ADAM12: variants seen among roughly 807,000 people sequenced by gnomAD.
ADAM12 encodes the protein disintegrin and metalloproteinase domain-containing protein 12.
ADAM12 carries 70 observed loss-of-function variants against 106.4 expected under a neutral mutation model. The observed-to-expected ratio is 0.66, with a 90% confidence interval of 0.54 to 0.80. The LOEUF (loss-of-function observed/expected upper bound fraction) is 0.80, where lower values mean the gene tolerates loss of function less well. Among genes scored for constraint, ADAM12 ranks in the 30% least tolerant of loss-of-function variants. ADAM12 has a pLI of 0.00. For missense variants in ADAM12, 1,010 were observed against 1,171.9 expected (o/e 0.86, Z 2.02); for synonymous variants, 420 against 433.5 (o/e 0.97, Z 0.39).
intron 1 of ADAM12, among the ~76,000 whole-genome samples, chr10:126,340,875 C>G (rs1564743660): frequency 6.6e-6 from 1 of 152,054 alleles, no homozygotes; most frequent in Non-Finnish European, 1.5e-5. Flanking sequence ...CCCACCACGC[C>G]TGGCTAATTT....
chr10:126,103,309 A>G (rs1043592064), intron 8 of ADAM12, among the ~76,000 whole-genome samples: 2 of 152,214 alleles, frequency 1.3e-5, no homozygotes, highest in African/African-American at 4.8e-5. Context: ...AAGTCATCAT[A>G]CATGATGCCT....
Position 126,388,112 on chromosome 10 carries a change from G to A in ADAM12, c.34C>T (p.Arg12Cys). 2 of 1,227,314 alleles carry A rather than the reference G, an allele frequency of 1.6e-6. No homozygotes were observed. The highest frequency in any genetic ancestry group is 2.0e-6 in the Non-Finnish European group (2 of 984,388). The allele number at this position is 1,227,314 out of a possible 1,614,324, so 76.0% of individuals were successfully genotyped here. ...AARPLPVSPA[R>C]ALLLALAGAL... ...CCGGCCAGGGCGAGCAGGAGGGCGC[G>A]GGCGGGGGACACGGGCAGCGGGCGC... The change falls in exon 1 of 23, where the codon CGC (arginine) becomes TGC (cysteine). Residue 12 changes from arginine (R) to cysteine (C), a missense_variant. This residue lies in a region of ADAM12 where 391 missense variants were observed against 442.9 expected (regional missense o/e 0.88). Transcript: ENST00000448723. This position sits in a 1 kb window ranked among gnomAD's most constrained non-coding sequence, Gnocchi z 4.4.
intron 5 of ADAM12, among the ~76,000 whole-genome samples, chr10:126,128,252 G>A (rs1167648898): frequency 6.6e-6 from 1 of 152,144 alleles, no homozygotes; most frequent in Non-Finnish European, 1.5e-5. Context: ...CAGCTGGGAT[G>A]AGGAAGGGAA....
rs192403111 is a variant in ADAM12 at position 126,152,069 on chromosome 10, A to C, written c.339+3158T>G. Among the ~76,000 whole-genome samples, 6 of 142,704 alleles carry C rather than the reference A, an allele frequency of 4.2e-5. No individual in the cohort carries two copies. The East Asian group carries it at 1.2e-3, about 28-fold the overall frequency. The allele number at this position is 142,704 out of a possible 152,430, so 93.6% of individuals were successfully genotyped here. A position where few individuals can be genotyped will look rare whatever the true frequency, so the allele number is the denominator to read the frequency against. On this transcript the variant is annotated intron_variant, in intron 4 of 22. Coordinates refer to ENST00000448723, the MANE Select transcript of ADAM12 (RefSeq NM_001288973.2). The stretch of plus-strand genomic sequence containing the variant: ...ATTTCTGCTCATTTAAAAAATCTTC[A>C]TTTCTGAGAGAGGTATATTTAAATC...
intron 11 of ADAM12, among the ~76,000 whole-genome samples, chr10:126,077,027 C>T (rs1955115194): frequency 6.6e-6 from 1 of 152,158 alleles, no homozygotes; most frequent in Non-Finnish European, 1.5e-5. Context: ...CAAAAGGCTC[C>T]TGGAGCTGAT....
chr10:126,294,362 G>GA (rs1293433980), intron 2 of ADAM12, among the ~76,000 whole-genome samples: 1 of 152,218 alleles, frequency 6.6e-6, no homozygotes, highest in Non-Finnish European at 1.5e-5. Flanking sequence ...GGAATGATCA[G>GA]AAGTGTGTGA....
Position 126,043,399 on chromosome 10 carries a change from A to G in ADAM12, c.1996-251T>C, listed in dbSNP as rs1954230282. Among the ~76,000 whole-genome samples, 1 of 152,164 alleles carries G rather than the reference A, an allele frequency of 6.6e-6. No individual in the cohort carries two copies. Among genetic ancestry groups the G allele is most frequent in the Non-Finnish European group, 1.5e-5 (1 of 68,028 alleles). Reference sequence around the variant, plus strand: ...AGAGTGATGAAGATTATTTGGGTTCATCAGCTTGCCTCCCCCACCCACCTC... The same window carrying G: ...AGAGTGATGAAGATTATTTGGGTTCGTCAGCTTGCCTCCCCCACCCACCTC... On this transcript the variant is annotated intron_variant, in intron 17 of 22. Transcript: ENST00000448723. This position sits in a 1 kb window ranked among gnomAD's most constrained non-coding sequence, Gnocchi z 4.1.
chr10:126,171,866 C>A (rs113013400), intron 3 of ADAM12, among the ~76,000 whole-genome samples: 1 of 152,158 alleles, frequency 6.6e-6, no homozygotes, highest in African/African-American at 2.4e-5. Flanking sequence ...CAATCTTGCA[C>A]GCAAAGTTGG....
At chr10:126,359,460 A>G (rs1274819284) in intron 1 of ADAM12, among the ~76,000 whole-genome samples, 2 of 152,184 alleles carry the variant, frequency 1.3e-5, no homozygotes, top group Non-Finnish European at 2.9e-5. Flanking sequence ...GCATTGGGTA[A>G]ATACAGCCAT....
chr10:126,083,308 G>A (rs1384750861), intron 11 of ADAM12, among the ~76,000 whole-genome samples: 7 of 152,228 alleles, frequency 4.6e-5, no homozygotes, highest in Admixed American at 2.0e-4. Flanking sequence ...CAGTTCCTGC[G>A]TGGAGACTGA....
chr10:126,242,051 A>T (rs1958537162), intron 3 of ADAM12, among the ~76,000 whole-genome samples: 1 of 151,102 alleles, frequency 6.6e-6, no homozygotes, highest in African/African-American at 2.4e-5. Context: ...TATATGAATC[A>T]CTCTGCTTGT....
intron 11 of ADAM12, among the ~76,000 whole-genome samples, chr10:126,080,836 G>C (rs1955198243): frequency 6.6e-6 from 1 of 152,148 alleles, no homozygotes; most frequent in South Asian, 2.1e-4. Flanking sequence ...CCATCACAAA[G>C]CTGCCAAGTA....
chr10:126,032,323 C>T (rs567567316), intron 21 of ADAM12, among the ~76,000 whole-genome samples: 25 of 152,310 alleles, frequency 1.6e-4, no homozygotes, highest in South Asian at 6.2e-4. Context: ...AATTAATTTC[C>T]GTTCCCTATG....
In ADAM12 at chr10:126,049,363, G is replaced by A; in HGVS notation, c.1807C>T (p.Pro603Ser). ...TNAVSIETNIPLQQGGRILCR... is the reference protein window; with the variant it reads ...TNAVSIETNISLQQGGRILCR... ...AGAATCCGGCCTCCTTGCTGCAGGG[G>A]GATGTTTGTTTCTATGGAAACGGCA... The change falls in exon 16 of 23, where the codon CCC becomes TCC. Residue 603 changes from proline to serine, a missense_variant. Physicochemically the swap from Pro to Ser is moderately conservative, Grantham distance 74 (BLOSUM62 -1). Around this residue, in one of 3 missense-constraint regions of ADAM12, gnomAD observed 615 missense variants for 708.5 expected, o/e 0.87. Coordinates refer to ENST00000448723, the MANE Select transcript of ADAM12 (RefSeq NM_001288973.2). This position sits in a 1 kb window ranked among gnomAD's most constrained non-coding sequence, Gnocchi z 4.4. 1 of 1,614,208 alleles carries A rather than the reference G, an allele frequency of 6.2e-7. No individual in the cohort carries two copies. The highest frequency in any genetic ancestry group is 1.3e-5 in the African/African-American group (1 of 75,032).
chr10:126,104,514 A>C (rs1565059991), intron 8 of ADAM12, among the ~76,000 whole-genome samples: 1 of 152,094 alleles, frequency 6.6e-6, no homozygotes, highest in Non-Finnish European at 1.5e-5. Flanking sequence ...GAGTCCTTTC[A>C]GAAGCAGGTC....
chr10:126,069,656 G>A (rs1422534972), intron 12 of ADAM12, among the ~76,000 whole-genome samples: 1 of 152,218 alleles, frequency 6.6e-6, no homozygotes, highest in African/African-American at 2.4e-5. Context: ...TGATAGGGGT[G>A]GGGATGGTAG....
intron 18 of ADAM12, among the ~76,000 whole-genome samples, chr10:126,039,667 G>A (rs1954125508): frequency 6.6e-6 from 1 of 152,174 alleles, no homozygotes; most frequent in Non-Finnish European, 1.5e-5. Context: ...TATATAGTCG[G>A]GTAGGTGGGG....
chr10:126,046,532 C>G (rs570066044), intron 16 of ADAM12, among the ~76,000 whole-genome samples: 4 of 151,910 alleles, frequency 2.6e-5, no homozygotes, highest in African/African-American at 7.3e-5. Flanking sequence ...AGGTTGGGCA[C>G]GGTTGCTCAC....
intron 4 of ADAM12, among the ~76,000 whole-genome samples, chr10:126,152,914 TA>T (rs1015357647): frequency 6.6e-6 from 1 of 152,208 alleles, no homozygotes; most frequent in Non-Finnish European, 1.5e-5. Flanking sequence ...TAAACCATTT[TA>T]AATCTATTAG....
Sources: allele counts gnomAD v4.1 joint callset (sites outside exome capture counted in the v4.1 genomes callset), GRCh38; gene constraint gnomAD v4.1.1; regional missense constraint gnomAD v4.1.1; non-coding constraint Gnocchi (gnomAD v3.1); transcripts MANE v1.5; gene names NCBI Gene and HGNC (gene_info 2026-07-23, HGNC 2026-07-21).